Variants in AFG1L observed in about 807,000 individuals in gnomAD.
AFG1L encodes AFG1-like ATPase.
AFG1L carries 53 observed loss-of-function variants against 62.2 expected under a neutral mutation model. The observed-to-expected ratio is 0.85, with a 90% CI of 0.68 to 1.07. The LOEUF is 1.07. Among genes scored for constraint, AFG1L ranks in the 50% least tolerant of loss-of-function variants. The pLI is 0.00. For synonymous variants in AFG1L, 228 were observed against 210.3 expected, an observed-to-expected ratio of 1.08 and a Z score of -0.73; for missense variants, 555 against 590.5, an observed-to-expected ratio of 0.94 and a Z score of 0.62.
intron 7 of AFG1L, among the ~76,000 whole-genome samples, chr6:108,411,951 A>G (rs1435963444): frequency 6.6e-6 from 1 of 152,176 alleles, no homozygotes; most frequent in Non-Finnish European, 1.5e-5. Context: ...ACAATCGGTA[A>G]TAACAAAACT....
intron 10 of AFG1L, among the ~76,000 whole-genome samples, chr6:108,485,872 G>A (rs908282024): frequency 5.3e-5 from 8 of 149,806 alleles, no homozygotes; most frequent in African/African-American, 1.5e-4. Context: ...GGGTTTTGCC[G>A]TGTTGCCCAG....
rs892092631 is a variant in AFG1L, at chr6:108,490,228, G to A, written c.1062+12936G>A. Among the ~76,000 whole-genome samples the A allele has an allele frequency of 4.6e-5, 7 of 152,076 alleles. No individual in the cohort carries two copies. The South Asian group carries it at 1.2e-3, about 27-fold the overall frequency. ...ACAAAAATTAGCTGGGTGTGGTGGCGCATGCCTTTTAGTCACAGCTACTCG... is the reference window on the plus strand; with the variant it reads ...ACAAAAATTAGCTGGGTGTGGTGGCACATGCCTTTTAGTCACAGCTACTCG... On this transcript the variant is annotated intron_variant, in intron 10 of 12. Transcript: ENST00000368977.
intron 10 of AFG1L, among the ~76,000 whole-genome samples, chr6:108,497,481 CACTT>C (rs1774018437): frequency 6.6e-6 from 1 of 151,818 alleles, no homozygotes; most frequent in Admixed American, 6.6e-5. Flanking sequence ...ATCCTTGTCT[CACTT>C]AATTCCTTTT....
intron 8 of AFG1L, among the ~76,000 whole-genome samples, chr6:108,456,397 T>C (rs975450134): frequency 5.3e-5 from 8 of 152,176 alleles, no homozygotes; most frequent in Admixed American, 6.5e-5. Context: ...TTTCTTTTAA[T>C]TGGGGATATT....
At chr6:108,384,269 C>T (rs1368953490) in intron 6 of AFG1L, among the ~76,000 whole-genome samples, 2 of 152,104 alleles carry the variant, frequency 1.3e-5, no homozygotes, top group Admixed American at 1.3e-4. Flanking sequence ...AGAACTACTG[C>T]TGGAAAATGA....
At chr6:108,440,954 T>A (rs1582591341) in intron 7 of AFG1L, among the ~76,000 whole-genome samples, 1 of 152,350 alleles carries the variant, frequency 6.6e-6, no homozygotes, top group Non-Finnish European at 1.5e-5. Flanking sequence ...TTTAAATGCC[T>A]ATTTAATATA....
chr6:108,416,094 A>T (rs573792495), intron 7 of AFG1L, among the ~76,000 whole-genome samples: 2 of 152,352 alleles, frequency 1.3e-5, no homozygotes, highest in African/African-American at 4.8e-5. Flanking sequence ...AAACAACCCC[A>T]TCAAAAAGTG....
chr6:108,417,038 G>A (rs1770327884), intron 7 of AFG1L, among the ~76,000 whole-genome samples: 1 of 151,840 alleles, frequency 6.6e-6, no homozygotes, highest in Admixed American at 6.6e-5. Context: ...TTTGAGATCA[G>A]CCTGGGCAAC....
intron 7 of AFG1L, among the ~76,000 whole-genome samples, chr6:108,417,902 C>T (rs1967881): frequency 0.043 from 6,480 of 152,150 alleles, 214 homozygotes; most frequent in South Asian, 0.1. Context: ...GGTGCAATCT[C>T]GGCTCACTGC....
chr6:108,330,106 A>G (rs1309782289), intron 2 of AFG1L, among the ~76,000 whole-genome samples: 1 of 152,032 alleles, frequency 6.6e-6, no homozygotes, highest in Non-Finnish European at 1.5e-5. Context: ...CACCAGCAAG[A>G]AGGCCCTCAC....
intron 10 of AFG1L, among the ~76,000 whole-genome samples, chr6:108,494,409 A>G (rs1054229345): frequency 1.3e-5 from 2 of 151,290 alleles, no homozygotes; most frequent in Non-Finnish European, 2.9e-5. Context: ...TTGTTAAGTC[A>G]TTGTTTCTAC....
chr6:108,360,239 C>G (rs1020627071), intron 5 of AFG1L, among the ~76,000 whole-genome samples: 1 of 152,214 alleles, frequency 6.6e-6, no homozygotes, highest in Non-Finnish European at 1.5e-5. Context: ...TTGTCTCCTA[C>G]AGGTTCAGCC....
intron 2 of AFG1L, among the ~76,000 whole-genome samples, chr6:108,339,970 C>T (rs1336031631): frequency 6.6e-6 from 1 of 152,046 alleles, no homozygotes; most frequent in African/African-American, 2.4e-5. Context: ...TTCTGTTGTG[C>T]TATCAAATAG....
intron 6 of AFG1L, among the ~76,000 whole-genome samples, chr6:108,397,272 C>T (rs1430327071): frequency 2.0e-5 from 3 of 152,190 alleles, no homozygotes; most frequent in South Asian, 2.1e-4. Flanking sequence ...GGATAACAGG[C>T]GTGTGCCACC....
intron 7 of AFG1L, among the ~76,000 whole-genome samples, chr6:108,433,648 A>G (rs1420255398): frequency 6.6e-6 from 1 of 152,074 alleles, no homozygotes; most frequent in African/African-American, 2.4e-5. Context: ...GCTGGAGTGC[A>G]GTGGCGCGAT....
intron 5 of AFG1L, among the ~76,000 whole-genome samples, chr6:108,360,171 C>G (rs1002059594): frequency 1.3e-5 from 2 of 152,144 alleles, no homozygotes. Context: ...GGGAAATATT[C>G]TGTTATATAA....
At position 108,457,150 on chromosome 6, in the gene AFG1L, T is replaced by C. The variant is rs1466130744; in HGVS notation, c.890+9854T>C. On this transcript the variant is annotated intron_variant, in intron 8 of 12. Transcript: ENST00000368977. ...TTATCTGTTGTTACCAGTTTAATAC[T>C]ATAAGATGTGGTCTTTGTTCCTGGC... is the stretch of plus-strand genomic sequence containing the variant. Among the ~76,000 whole-genome samples, 4 of 152,194 alleles carry C rather than the reference T, an allele frequency of 2.6e-5. No homozygotes were observed. In the East Asian group the frequency reaches 7.7e-4, roughly 29 times the overall value.
At chr6:108,486,304 A>G (rs926219430) in intron 10 of AFG1L, among the ~76,000 whole-genome samples, 1 of 152,130 alleles carries the variant, frequency 6.6e-6, no homozygotes, top group East Asian at 1.9e-4. Context: ...TTTGTTTCCT[A>G]TCATAGAGTA....
intron 8 of AFG1L, among the ~76,000 whole-genome samples, chr6:108,454,059 T>C (rs1340875154): frequency 1.3e-5 from 2 of 152,238 alleles, no homozygotes. Flanking sequence ...GCACACCCCA[T>C]TGAAATATTT....
Sources: allele counts gnomAD v4.1 joint callset (sites outside exome capture counted in the v4.1 genomes callset), GRCh38; gene constraint gnomAD v4.1.1; transcripts MANE v1.5; gene names NCBI Gene and HGNC (gene_info 2026-07-23, HGNC 2026-07-21).